Variants in GRIN3A observed in about 807,000 individuals in gnomAD.
GRIN3A encodes glutamate ionotropic receptor NMDA type subunit 3A.
A neutral mutation model predicts 92.4 loss-of-function variants in GRIN3A; 47 were observed. The observed-to-expected ratio is 0.51, with a 90% CI of 0.40 to 0.65. The LOEUF (loss-of-function observed/expected upper bound fraction) is 0.65, where lower values mean the gene tolerates loss of function less well. Ranked by LOEUF, GRIN3A falls within the 30% of genes least tolerant of loss-of-function variation. The pLI is 0.00. For missense variants in GRIN3A, 1,324 were observed against 1,393.1 expected (o/e 0.95, Z 0.79); for synonymous variants, 527 against 540.6 (o/e 0.97, Z 0.35).
intron 1 of GRIN3A, among the ~76,000 whole-genome samples, chr9:101,690,566 C>T (rs995650771): frequency 1.3e-5 from 2 of 152,148 alleles, no homozygotes; most frequent in Non-Finnish European, 2.9e-5. Context: ...ATCAAAGAAT[C>T]ATTCAGTGGT....
chr9:101,635,243 G>A (rs978299218), intron 3 of GRIN3A, among the ~76,000 whole-genome samples: 4 of 151,392 alleles, frequency 2.6e-5, no homozygotes, highest in African/African-American at 9.7e-5. Context: ...GTCTCTTGTA[G>A]GGACTAGAGG....
chr9:101,613,218 T>A (rs1464156769), intron 6 of GRIN3A, among the ~76,000 whole-genome samples, 158 bp downstream of exon 6: 1 of 152,244 alleles, frequency 6.6e-6, no homozygotes, highest in Non-Finnish European at 1.5e-5. Context: ...CCTATAGGAA[T>A]GGACGCTTTT....
At chr9:101,698,488 C>T (rs751138174) in intron 1 of GRIN3A, among the ~76,000 whole-genome samples, 20 of 152,042 alleles carry the variant, frequency 1.3e-4, no homozygotes, top group African/African-American at 3.6e-4. Flanking sequence ...AACATCATAG[C>T]GTGCACTTAC....
intron 6 of GRIN3A, among the ~76,000 whole-genome samples, chr9:101,599,736 A>G (rs565627200): frequency 6.6e-6 from 1 of 152,264 alleles, no homozygotes; most frequent in Middle Eastern, 3.4e-3. Context: ...AATCAAACCA[A>G]CGGAAATGGA....
intron 3 of GRIN3A, among the ~76,000 whole-genome samples, chr9:101,651,372 GAA>G (rs1783657500): frequency 6.6e-6 from 1 of 151,954 alleles, no homozygotes; most frequent in South Asian, 2.1e-4. Context: ...GGAAGGAACG[GAA>G]AAATGATATG....
chr9:101,623,755 C>T (rs1403720543), intron 4 of GRIN3A, among the ~76,000 whole-genome samples: 1 of 152,252 alleles, frequency 6.6e-6, no homozygotes, highest in South Asian at 2.1e-4. Flanking sequence ...ATTCTTATTA[C>T]ACTGTTAGAG....
intron 1 of GRIN3A, among the ~76,000 whole-genome samples, chr9:101,719,287 C>T (rs1471088849): frequency 6.6e-6 from 1 of 152,036 alleles, no homozygotes; most frequent in African/African-American, 2.4e-5. Context: ...GGTGTGGTGG[C>T]ATGCGCCTGT....
intron 3 of GRIN3A, among the ~76,000 whole-genome samples, chr9:101,636,878 G>A (rs946672509): frequency 1.3e-5 from 2 of 152,170 alleles, no homozygotes; most frequent in Non-Finnish European, 2.9e-5. Flanking sequence ...TCATTCACAA[G>A]TCACACTCGG....
At chr9:101,636,948 A>G (rs12340034) in intron 3 of GRIN3A, among the ~76,000 whole-genome samples, 2,086 of 152,318 alleles carry the variant, frequency 0.014, 50 homozygotes, top group African/African-American at 0.046. Context: ...TATATCGGCT[A>G]CATTTTCTAA....
At chr9:101,615,577 G>A (rs539419946) in intron 5 of GRIN3A, among the ~76,000 whole-genome samples, 24 of 151,910 alleles carry the variant, frequency 1.6e-4, no homozygotes, top group Admixed American at 6.6e-5. Flanking sequence ...AGATGGTCTC[G>A]ATTTCCTGAC....
chr9:101,733,704 C>G (rs907722210), intron 1 of GRIN3A, among the ~76,000 whole-genome samples: 1 of 152,142 alleles, frequency 6.6e-6, no homozygotes, highest in Non-Finnish European at 1.5e-5. Context: ...AGTGCTTAGT[C>G]CTGTACTGTC....
chr9:101,645,661 C>A (rs1037169619), intron 3 of GRIN3A, among the ~76,000 whole-genome samples: 2 of 149,336 alleles, frequency 1.3e-5, no homozygotes, highest in Admixed American at 6.7e-5. Context: ...ATTCCAATTT[C>A]TCTGCATCCT....
intron 3 of GRIN3A, among the ~76,000 whole-genome samples, chr9:101,653,077 G>T (rs1314787664): frequency 1.3e-5 from 2 of 151,846 alleles, no homozygotes; most frequent in Non-Finnish European, 2.9e-5. Context: ...TTTGGAAAAT[G>T]CTGTTCATTT....
intron 3 of GRIN3A, among the ~76,000 whole-genome samples, chr9:101,668,521 G>C (rs1829271908): frequency 6.6e-6 from 1 of 152,058 alleles, no homozygotes; most frequent in African/African-American, 2.4e-5. Context: ...AATAAACAAA[G>C]GCTGCTGATG....
Position 101,704,197 on chromosome 9 carries a change from G to A in GRIN3A, c.700-16997C>T, listed in dbSNP as rs377238931. Among the ~76,000 whole-genome samples, 5 of 152,172 alleles carry A rather than the reference G, an allele frequency of 3.3e-5. No homozygotes were observed. In the East Asian group the frequency reaches 5.8e-4, roughly 18 times the overall value. ...TGGGACAGTTCTTTACTGCAAAATT[G>A]GATATCCTGTAGATCAAATCATGTT... On this transcript the variant is annotated intron_variant, in intron 1 of 8. Coordinates refer to ENST00000361820, the MANE Select transcript of GRIN3A (RefSeq NM_133445.3).
chr9:101,706,253 T>C (rs184403929), intron 1 of GRIN3A, among the ~76,000 whole-genome samples: 2 of 152,240 alleles, frequency 1.3e-5, no homozygotes, highest in African/African-American at 4.8e-5. Flanking sequence ...AATTTGGTAG[T>C]TAATTCATTG....
chr9:101,613,492 T>A lies in GRIN3A; in HGVS notation c.2650A>T (p.Thr884Ser). ...GIGLPPNSPL[T>S]ANISELISQY... ...CTGATTAGCTCGGATATGTTGGCGG[T>A]CAATGGAGAGTTGGGTGGGAGGCCA... The change falls in exon 6 of 9, where the codon ACC (threonine) becomes TCC (serine). Residue 884 changes from threonine (T) to serine (S), a missense_variant. Thr to Ser is a moderately conservative substitution (Grantham distance 58). Transcript: ENST00000361820. 1 of 1,614,186 alleles carries A rather than the reference T, an allele frequency of 6.2e-7. No individual in the cohort carries two copies. Among genetic ancestry groups the A allele is most frequent in the Non-Finnish European group, 8.5e-7 (1 of 1,180,028 alleles).
intron 2 of GRIN3A, among the ~76,000 whole-genome samples, chr9:101,682,569 C>T (rs980223232): frequency 6.6e-6 from 1 of 152,210 alleles, no homozygotes; most frequent in African/African-American, 2.4e-5. Context: ...ATTTTGTCTA[C>T]CCGACCATAG....
chr9:101,659,990 C>A (rs1476425254), intron 3 of GRIN3A, among the ~76,000 whole-genome samples: 1 of 151,840 alleles, frequency 6.6e-6, no homozygotes, highest in East Asian at 1.9e-4. Context: ...CCTATGGTTT[C>A]TTGAATTGGA....
Sources: allele counts gnomAD v4.1 joint callset (sites outside exome capture counted in the v4.1 genomes callset), GRCh38; gene constraint gnomAD v4.1.1; transcripts MANE v1.5; gene names NCBI Gene and HGNC (gene_info 2026-07-23, HGNC 2026-07-21).